USP15: variants seen among roughly 807,000 people sequenced by gnomAD.
USP15 encodes the protein ubiquitin carboxyl-terminal hydrolase 15.
A neutral mutation model predicts 127.1 loss-of-function variants in USP15; 18 were observed. That is an observed-to-expected ratio of 0.14 (90% CI 0.10 to 0.21). The LOEUF is 0.21. USP15 is among the 10% of genes least tolerant of loss of function. The pLI is 1.00. For synonymous variants in USP15, 364 were observed against 393.7 expected, an observed-to-expected ratio of 0.92 and a Z score of 0.89; for missense variants, 805 against 1,159.9, an observed-to-expected ratio of 0.69 and a Z score of 4.44.
chr12:62,281,463 A>T (rs2063647732), intron 1 of USP15, among the ~76,000 whole-genome samples: 2 of 152,108 alleles, frequency 1.3e-5, no homozygotes, highest in Admixed American at 1.3e-4. Flanking sequence ...CAGCCTCCTG[A>T]GTAGCTGGGG....
intron 1 of USP15, among the ~76,000 whole-genome samples, chr12:62,260,737 G>T (rs902426177): frequency 6.6e-6 from 1 of 152,210 alleles, no homozygotes; most frequent in African/African-American, 2.4e-5. Context: ...AGCGGCGGCG[G>T]CGGCGGTTCT....
chr12:62,281,175 C>T (rs2063635450), intron 1 of USP15, among the ~76,000 whole-genome samples: 1 of 152,126 alleles, frequency 6.6e-6, no homozygotes, highest in African/African-American at 2.4e-5. Flanking sequence ...TGCAACAGAT[C>T]TATATAAATG....
At chr12:62,400,558 A>G (rs962195019) in intron 20 of USP15, among the ~76,000 whole-genome samples, 2 of 151,476 alleles carry the variant, frequency 1.3e-5, no homozygotes, top group Non-Finnish European at 1.5e-5. Flanking sequence ...CGCAGAACCC[A>G]TGTATGCACA....
chr12:62,384,093 G>T lies in USP15; in HGVS notation c.1264G>T (p.Ala422Ser), dbSNP rs2067069994. Residue 422 changes from alanine to serine, a missense_variant, in exon 11 of 22, where the codon GCC (alanine) becomes TCC (serine). Ala to Ser is a moderately conservative substitution (Grantham distance 99). Transcript: ENST00000280377. ...ATCCTTGTAGGTGGTTGCCGAAGAAGCCTGGGAAAACCATTTAAAACGAAA... is the reference window on the plus strand; with the variant it reads ...ATCCTTGTAGGTGGTTGCCGAAGAATCCTGGGAAAACCATTTAAAACGAAA... ...GRPDKVVAEE[A>S]WENHLKRNDS... The T allele has an allele frequency of 6.2e-7, 1 of 1,612,366 alleles. No individual in the cohort carries two copies. Among genetic ancestry groups the T allele is most frequent in the Non-Finnish European group, 8.5e-7 (1 of 1,179,174 alleles).
intron 2 of USP15, among the ~76,000 whole-genome samples, chr12:62,301,309 G>T (rs7135737): frequency 1.3e-5 from 2 of 152,042 alleles, no homozygotes; most frequent in Non-Finnish European, 2.9e-5. Flanking sequence ...TACGTTTATT[G>T]TAGAGCCCAG....
At position 62,358,958 on chromosome 12, in the gene USP15, G is replaced by A. The variant is rs560939338; in HGVS notation, c.915+3483G>A. Among the ~76,000 whole-genome samples, 19 of 152,210 alleles carry A rather than the reference G, an allele frequency of 1.2e-4. No individual in the cohort carries two copies. In the South Asian group the frequency reaches 3.5e-3, roughly 28 times the overall value. On this transcript the variant is annotated intron_variant, in intron 8 of 21. Transcript: ENST00000280377. Reference sequence around the variant, plus strand: ...AGGGGGCTCCTGTGACCAATCCCCTGTGGATACCAAGAACAACTGTATATC... The same window carrying A: ...AGGGGGCTCCTGTGACCAATCCCCTATGGATACCAAGAACAACTGTATATC...
chr12:62,372,252 T>C (rs1334752417), intron 8 of USP15, among the ~76,000 whole-genome samples: 1 of 152,090 alleles, frequency 6.6e-6, no homozygotes. Flanking sequence ...CCTATATATG[T>C]ATAATAACTC....
At chr12:62,280,564 G>T (rs570457419) in intron 1 of USP15, among the ~76,000 whole-genome samples, 3 of 152,246 alleles carry the variant, frequency 2.0e-5, no homozygotes, top group East Asian at 1.9e-4. Flanking sequence ...CTCTCTGGGA[G>T]CCTCTTTTAT....
chr12:62,341,712 T>C lies in USP15; in HGVS notation c.684-7509T>C, dbSNP rs192520366. ...AAGAATGTTGAATATTGGCCCCCACTCTCTTCTGGCTTGTAGGGTTTCTGC... is the reference window on the plus strand; with the variant it reads ...AAGAATGTTGAATATTGGCCCCCACCCTCTTCTGGCTTGTAGGGTTTCTGC... On this transcript the variant is annotated intron_variant, in intron 6 of 21. Coordinates refer to ENST00000280377, the MANE Select transcript of USP15 (RefSeq NM_001252078.2). 5.9e-4 allele frequency among the ~76,000 whole-genome samples: 90 copies of C among 152,322 alleles called. 1 individual carries two copies. In the East Asian group the frequency reaches 0.015, roughly 25 times the overall value.
chr12:62,343,091 CATTTT>C (rs1214370862), intron 6 of USP15, among the ~76,000 whole-genome samples: 4 of 152,196 alleles, frequency 2.6e-5, no homozygotes, highest in Middle Eastern at 3.2e-3. Flanking sequence ...GGGGCTGCTG[CATTTT>C]CTTCAGAGAT....
intron 7 of USP15, among the ~76,000 whole-genome samples, chr12:62,350,184 A>G (rs1322238144): frequency 1.3e-5 from 2 of 151,968 alleles, no homozygotes; most frequent in African/African-American, 2.4e-5. Context: ...CAGTTTCTAA[A>G]TGGCATCTGA....
intron 11 of USP15, 84 bp from the exon 12 acceptor site, chr12:62,389,347 G>T: frequency 8.8e-7 from 1 of 1,138,116 alleles, no homozygotes; most frequent in Non-Finnish European, 1.2e-6. Context: ...AAATGAATGT[G>T]AGATAGCAAC....
chr12:62,283,763 C>G (rs1488654044), intron 1 of USP15, among the ~76,000 whole-genome samples: 1 of 152,026 alleles, frequency 6.6e-6, no homozygotes, highest in Non-Finnish European at 1.5e-5. Flanking sequence ...GCTAAGATGG[C>G]AAAACCCGGT....
chr12:62,340,547 A>G (rs80275282), intron 6 of USP15, among the ~76,000 whole-genome samples: 3,285 of 152,238 alleles, frequency 0.022, 112 homozygotes, highest in African/African-American at 0.076. Flanking sequence ...TTCCCTCTAC[A>G]CACTGCTTTA....
intron 3 of USP15, chr12:62,312,211 G>T: frequency 4.6e-6 from 1 of 215,138 alleles, no homozygotes; most frequent in Non-Finnish European, 1.0e-5. Context: ...GTCTGTTAGA[G>T]GCCTGGTATT....
intron 8 of USP15, among the ~76,000 whole-genome samples, chr12:62,374,187 T>C (rs1219819271): frequency 1.3e-5 from 2 of 152,172 alleles, no homozygotes; most frequent in East Asian, 1.9e-4. Context: ...TCAAGTTTTA[T>C]TTTTTAAATC....
chr12:62,400,100 CAA>C (rs2067632740), intron 20 of USP15, among the ~76,000 whole-genome samples: 1 of 152,064 alleles, frequency 6.6e-6, no homozygotes, highest in South Asian at 2.1e-4. Flanking sequence ...TTTTTAGAAA[CAA>C]TGACCACATA....
intron 7 of USP15, among the ~76,000 whole-genome samples, chr12:62,353,264 T>A (rs929248386): frequency 7.2e-5 from 11 of 152,042 alleles, no homozygotes; most frequent in Non-Finnish European, 1.2e-4. Flanking sequence ...TAGATTTTTT[T>A]AAAAACAAAA....
intron 8 of USP15, among the ~76,000 whole-genome samples, chr12:62,373,736 TATAA>T (rs2066747074): frequency 6.6e-6 from 1 of 151,956 alleles, no homozygotes; most frequent in Non-Finnish European, 1.5e-5. Context: ...AAAATGGAGA[TATAA>T]AGTAAAACAG....
Sources: allele counts gnomAD v4.1 joint callset (sites outside exome capture counted in the v4.1 genomes callset), GRCh38; gene constraint gnomAD v4.1.1; transcripts MANE v1.5; gene names NCBI Gene and HGNC (gene_info 2026-07-23, HGNC 2026-07-21).